CREB5: variants seen among roughly 807,000 people sequenced by gnomAD.
The protein encoded by CREB5 is cAMP responsive element binding protein 5.
In CREB5, 19 loss-of-function variants were observed where a neutral mutation model predicts 57.1. The observed-to-expected ratio is 0.33, with a 90% confidence interval of 0.23 to 0.49. CREB5 has a LOEUF of 0.49. Among genes scored for constraint, CREB5 ranks in the 20% least tolerant of loss-of-function variants. CREB5 has a pLI of 0.99. For synonymous variants in CREB5, 238 were observed against 238.3 expected (o/e 1.00, Z 0.01); for missense variants, 579 against 671.6 (o/e 0.86, Z 1.52).
At chr7:28,516,189 G>A (rs1296004058) in intron 4 of CREB5, among the ~76,000 whole-genome samples, 1 of 152,074 alleles carries the variant, frequency 6.6e-6, no homozygotes, top group East Asian at 1.9e-4. Context: ...ACTCGACTGA[G>A]TGACAGAGCG....
chr7:28,343,054 C>A (rs1183930302), intron 1 of CREB5, among the ~76,000 whole-genome samples: 1 of 152,108 alleles, frequency 6.6e-6, no homozygotes, highest in Admixed American at 6.5e-5. Context: ...CATTCTCCTG[C>A]CTCAGCCTCC....
intron 5 of CREB5, among the ~76,000 whole-genome samples, chr7:28,628,349 A>G (rs188955459): frequency 1.1e-3 from 170 of 152,268 alleles, no homozygotes; most frequent in Admixed American, 3.3e-3. Flanking sequence ...GCAACTGACC[A>G]CGCCTGCTTA....
chr7:28,697,155 A>G, intron 5 of CREB5, among the ~76,000 whole-genome samples: 1 of 152,300 alleles, frequency 6.6e-6, no homozygotes, highest in South Asian at 2.1e-4. Flanking sequence ...CTGATATATT[A>G]GATATGTATC....
chr7:28,408,810 G>A (rs989271077), upstream of CREB5, among the ~76,000 whole-genome samples: 6 of 152,156 alleles, frequency 3.9e-5, no homozygotes, highest in African/African-American at 1.2e-4. Flanking sequence ...GCTCTGAAAA[G>A]CCAGGATGCA....
chr7:28,627,153 T>C (rs996337123), intron 5 of CREB5, among the ~76,000 whole-genome samples: 2 of 152,246 alleles, frequency 1.3e-5, no homozygotes, highest in African/African-American at 4.8e-5. Flanking sequence ...TAATCTTTTT[T>C]TTCCCTGTCT....
At chr7:28,614,665 G>GA (rs1418727378) in intron 5 of CREB5, among the ~76,000 whole-genome samples, 1 of 152,202 alleles carries the variant, frequency 6.6e-6, no homozygotes, top group East Asian at 1.9e-4. Context: ...TAAGAATTTA[G>GA]AAAAACAGCC....
In CREB5 at chr7:28,823,476, A is replaced by AT. The variant is rs1241880219; in HGVS notation, c.*4199dup. Reference sequence around the variant, plus strand: ...TCATTTTTCAGGGTTTCAAATGGCTATTCTCCATCATTTGGTGGAAATGTT... The same window carrying AT: ...TCATTTTTCAGGGTTTCAAATGGCTATTTCTCCATCATTTGGTGGAAATGTT... On this transcript the variant is annotated 3_prime_UTR_variant, in exon 11 of 11. Coordinates refer to ENST00000357727, the MANE Select transcript of CREB5 (RefSeq NM_182898.4). 1.2e-4 allele frequency: 18 copies of AT among 152,724 alleles called. No homozygotes were observed. Among genetic ancestry groups the AT allele is most frequent in the African/African-American group, 4.3e-4 (18 of 41,556 alleles). 9.5% of individuals were successfully genotyped at this position (152,724 alleles called of 1,614,324 possible). A position where few individuals can be genotyped will look rare whatever the true frequency, so the allele number is the denominator to read the frequency against.
chr7:28,690,643 G>A (rs73083775), intron 5 of CREB5, among the ~76,000 whole-genome samples: 8,376 of 152,220 alleles, frequency 0.055, 327 homozygotes, highest in Middle Eastern at 0.13. Context: ...GAGCCATTGC[G>A]AGGGGTGGAG....
At chr7:28,429,385 G>A (rs1788628400) in intron 1 of CREB5, among the ~76,000 whole-genome samples, 1 of 152,150 alleles carries the variant, frequency 6.6e-6, no homozygotes, top group South Asian at 2.1e-4. Flanking sequence ...CAGGGATAAA[G>A]CATATTTTGT....
chr7:28,577,163 G>A (rs960573307), intron 5 of CREB5, among the ~76,000 whole-genome samples: 1 of 152,156 alleles, frequency 6.6e-6, no homozygotes, highest in Non-Finnish European at 1.5e-5. Flanking sequence ...CCCAGGCCTG[G>A]TTTCCTTTAC....
At chr7:28,745,378 A>G (rs990709201) in intron 7 of CREB5, among the ~76,000 whole-genome samples, 1 of 152,144 alleles carries the variant, frequency 6.6e-6, no homozygotes, top group South Asian at 2.1e-4. Context: ...TTGTAACCCA[A>G]TGTCATGCTT....
intron 1 of CREB5, among the ~76,000 whole-genome samples, chr7:28,430,904 A>G (rs551793024): frequency 2.6e-5 from 4 of 152,292 alleles, no homozygotes; most frequent in African/African-American, 9.6e-5. Flanking sequence ...CTCAAACCTC[A>G]GTGGGGGAAG....
intron 1 of CREB5, among the ~76,000 whole-genome samples, chr7:28,475,471 G>C (rs1386962355): frequency 8.4e-6 from 1 of 118,686 alleles, no homozygotes; most frequent in African/African-American, 4.4e-5. Flanking sequence ...AATAAAGGGA[G>C]AGAAAGAAAA....
intron 1 of CREB5, among the ~76,000 whole-genome samples, chr7:28,427,803 T>A: frequency 6.6e-6 from 1 of 152,206 alleles, no homozygotes; most frequent in East Asian, 1.9e-4. Context: ...CCTGGGTTTA[T>A]AATATTATAC....
intron 3 of CREB5, among the ~76,000 whole-genome samples, chr7:28,495,795 G>A (rs906390819): frequency 6.6e-6 from 1 of 152,204 alleles, no homozygotes; most frequent in Admixed American, 6.5e-5. Flanking sequence ...TTTCTGGATT[G>A]AGATGGTCAG....
chr7:28,393,242 A>C (rs1217813255), intron 1 of CREB5, among the ~76,000 whole-genome samples: 2 of 152,164 alleles, frequency 1.3e-5, no homozygotes, highest in African/African-American at 2.4e-5. Context: ...CAATGTTTTT[A>C]AGTCAAGAAA....
chr7:28,680,531 G>A (rs531543316), intron 5 of CREB5, among the ~76,000 whole-genome samples: 2 of 152,254 alleles, frequency 1.3e-5, no homozygotes, highest in African/African-American at 4.8e-5. Flanking sequence ...GCCAAGCTGG[G>A]AAGATCACTT....
chr7:28,554,103 T>A (rs954100570), intron 4 of CREB5, among the ~76,000 whole-genome samples: 3 of 152,182 alleles, frequency 2.0e-5, no homozygotes, highest in African/African-American at 7.2e-5. Flanking sequence ...AATAGGAACA[T>A]GAAATAAAGT....
chr7:28,723,048 A>T (rs962945870), intron 6 of CREB5, among the ~76,000 whole-genome samples: 3 of 152,144 alleles, frequency 2.0e-5, no homozygotes, highest in Non-Finnish European at 4.4e-5. Flanking sequence ...CTCTTTGAAC[A>T]CCTCCAATAG....
Sources: gnomAD v4.1 joint callset for allele counts (sites outside exome capture counted in the v4.1 genomes callset) on GRCh38, gnomAD v4.1.1 for gene constraint, MANE v1.5 for transcripts, NCBI Gene and HGNC (gene_info 2026-07-23, HGNC 2026-07-21) for gene names.